Variants in MEGF11 observed in about 807,000 individuals in gnomAD.
MEGF11 encodes the protein multiple EGF like domains 11.
MEGF11 carries 126 observed loss-of-function variants against 146.6 expected under a neutral mutation model. The ratio of observed to expected loss-of-function variants is 0.86; its 90% CI spans 0.74 to 1.00. The LOEUF is 1.00. Among genes scored for constraint, MEGF11 ranks in the 50% least tolerant of loss-of-function variants. The pLI, the probability that MEGF11 is intolerant of heterozygous loss-of-function variation, is 0.00. For synonymous variants in MEGF11, 532 were observed against 583.4 expected (o/e 0.91, Z 1.27); for missense variants, 1,509 against 1,521.2 (o/e 0.99, Z 0.13).
intron 5 of MEGF11, among the ~76,000 whole-genome samples, chr15:66,066,605 T>C (rs904344271): frequency 6.6e-6 from 1 of 152,204 alleles, no homozygotes; most frequent in African/African-American, 2.4e-5. Flanking sequence ...CAGGTCTGTC[T>C]GAAATGCACC....
chr15:66,019,515 C>T (rs561896704), intron 5 of MEGF11, among the ~76,000 whole-genome samples: 1 of 152,354 alleles, frequency 6.6e-6, no homozygotes, highest in Non-Finnish European at 1.5e-5. Context: ...CCCTCCCTCC[C>T]CTGGGGGCAG....
chr15:66,132,604 T>A (rs1304330416), intron 1 of MEGF11, among the ~76,000 whole-genome samples: 1 of 152,190 alleles, frequency 6.6e-6, no homozygotes, highest in Admixed American at 6.5e-5. Flanking sequence ...ACAATGGGGA[T>A]CTATTATAGT....
intron 1 of MEGF11, among the ~76,000 whole-genome samples, chr15:66,228,222 A>G (rs922441082): frequency 1.3e-5 from 2 of 152,130 alleles, no homozygotes; most frequent in African/African-American, 4.8e-5. Flanking sequence ...ATATCACAGC[A>G]GGAAGGCTCT....
At chr15:66,209,211 G>T (rs577775118) in intron 1 of MEGF11, among the ~76,000 whole-genome samples, 1 of 152,092 alleles carries the variant, frequency 6.6e-6, no homozygotes, top group South Asian at 2.1e-4. Context: ...TTAGCCGGGC[G>T]TGGTGGCGGG....
intron 1 of MEGF11, among the ~76,000 whole-genome samples, chr15:66,129,924 A>G (rs149693543): frequency 1.2e-3 from 179 of 152,340 alleles, no homozygotes; most frequent in African/African-American, 4.2e-3. Context: ...CCAGATTTCA[A>G]ATGAATGCAT....
At chr15:66,116,095 C>T (rs568348365) in intron 4 of MEGF11, among the ~76,000 whole-genome samples, 5 of 152,234 alleles carry the variant, frequency 3.3e-5, no homozygotes, top group African/African-American at 4.8e-5. Context: ...TCACCGCCCA[C>T]CTCCATGCCT....
intron 1 of MEGF11, among the ~76,000 whole-genome samples, chr15:66,234,026 C>T (rs1266722331): frequency 6.8e-6 from 1 of 147,582 alleles, no homozygotes; most frequent in Non-Finnish European, 1.5e-5. Flanking sequence ...ACCTCCACCT[C>T]CCGGGTTCAA....
At chr15:66,050,482 C>A (rs1357128931) in intron 5 of MEGF11, among the ~76,000 whole-genome samples, 1 of 152,146 alleles carries the variant, frequency 6.6e-6, no homozygotes, top group African/African-American at 2.4e-5. Context: ...TCCTGAGAGA[C>A]CTGCCATGTG....
Position 65,916,216 on chromosome 15 carries a change from G to T in MEGF11, c.2276C>A (p.Ala759Asp), listed in dbSNP as rs1378805270. 1 of 1,571,624 alleles carries T rather than the reference G, an allele frequency of 6.4e-7. No homozygotes were observed. The highest frequency in any genetic ancestry group is 1.9e-5 in the Admixed American group (1 of 53,544). ...CTTGCCACTGATGTGGTCACAGCTG[G>T]CGCCATTCTGACACTGGCATACGCG... ...CGRVCQCQNG[A>D]SCDHISGKCT... The change falls in exon 18 of 26, where the codon GCC becomes GAC. Residue 759 changes from alanine (A) to aspartate (D), a missense_variant. Transcript: ENST00000395614.
At chr15:66,033,138 G>A (rs957177460) in intron 5 of MEGF11, among the ~76,000 whole-genome samples, 2 of 150,078 alleles carry the variant, frequency 1.3e-5, no homozygotes, top group African/African-American at 4.9e-5. Context: ...AAAATTTGCA[G>A]CCTAGTCATG....
intron 9 of MEGF11, among the ~76,000 whole-genome samples, chr15:65,960,562 C>T (rs950055953): frequency 6.6e-6 from 1 of 152,232 alleles, no homozygotes; most frequent in African/African-American, 2.4e-5. Context: ...GAGAGACTGG[C>T]TCAGTCACGG....
At chr15:66,176,725 G>T (rs2090397330) in intron 1 of MEGF11, among the ~76,000 whole-genome samples, 1 of 152,182 alleles carries the variant, frequency 6.6e-6, no homozygotes, top group Non-Finnish European at 1.5e-5. Context: ...TTGCTGCTGA[G>T]CCAGCCCGTT....
In MEGF11 at chr15:66,167,544, C is replaced by A. The variant is rs554895596; in HGVS notation, c.-8-39133G>T. On this transcript the variant is annotated intron_variant, in intron 1 of 25. Coordinates refer to ENST00000395614, the MANE Select transcript of MEGF11 (RefSeq NM_001385028.1). Reference sequence around the variant, plus strand: ...CCTGTAATCCCAGCTACTGGGGAGGCTGAGGCAGGAGAATCGCTTGAACCC... The same window carrying A: ...CCTGTAATCCCAGCTACTGGGGAGGATGAGGCAGGAGAATCGCTTGAACCC... 2.0e-5 allele frequency among the ~76,000 whole-genome samples: 3 copies of A among 152,238 alleles called. No individual in the cohort carries two copies. In the East Asian group the frequency reaches 5.8e-4, roughly 29 times the overall value.
chr15:66,120,495 T>G (rs904818091), intron 3 of MEGF11, among the ~76,000 whole-genome samples: 5 of 152,158 alleles, frequency 3.3e-5, no homozygotes, highest in African/African-American at 1.2e-4. Context: ...CAGAGACGCC[T>G]ATAGGCTGCG....
chr15:66,022,239 A>ATC (rs1163688410), intron 5 of MEGF11, among the ~76,000 whole-genome samples: 1 of 152,224 alleles, frequency 6.6e-6, no homozygotes, highest in African/African-American at 2.4e-5. Context: ...TGGCGATTCC[A>ATC]TCAGATGTAC....
chr15:65,948,849 T>G (rs1447802267), intron 10 of MEGF11, among the ~76,000 whole-genome samples: 1 of 152,092 alleles, frequency 6.6e-6, no homozygotes, highest in African/African-American at 2.4e-5. Flanking sequence ...GTGTGTCTTA[T>G]TTTTGGATGA....
intron 1 of MEGF11, among the ~76,000 whole-genome samples, chr15:66,179,568 C>T (rs767159769): frequency 6.6e-6 from 1 of 152,160 alleles, no homozygotes; most frequent in Non-Finnish European, 1.5e-5. Context: ...CAGTGCACCA[C>T]GTCCCTGAGC....
chr15:65,974,778 G>T lies in MEGF11; in HGVS notation c.763-4089C>A, dbSNP rs758652465. On this transcript the variant is annotated intron_variant, in intron 7 of 25. Coordinates refer to ENST00000395614, the MANE Select transcript of MEGF11 (RefSeq NM_001385028.1). ...AGTTCTAGGTATTCAAAAGGGAGGA[G>T]AAGTCTTTCTGGCTTCTATCTGACT... is the stretch of plus-strand genomic sequence containing the variant. Among the ~76,000 whole-genome samples, 136 of 152,264 alleles carry T rather than the reference G, an allele frequency of 8.9e-4. 1 individual carries two copies. Among genetic ancestry groups the T allele is most frequent in the Non-Finnish European group, 1.6e-3 (110 of 68,026 alleles).
At chr15:66,119,364 G>GA (rs2087902386) in intron 3 of MEGF11, among the ~76,000 whole-genome samples, 178 bp from the exon 4 acceptor site, 1 of 152,230 alleles carries the variant, frequency 6.6e-6, no homozygotes, top group Non-Finnish European at 1.5e-5. Flanking sequence ...GGGCTGTTGT[G>GA]ATGCAGAATG....
Sources: gnomAD v4.1 joint callset for allele counts (sites outside exome capture counted in the v4.1 genomes callset) on GRCh38, gnomAD v4.1.1 for gene constraint, MANE v1.5 for transcripts, NCBI Gene and HGNC (gene_info 2026-07-23, HGNC 2026-07-21) for gene names.